Variants in ENAH observed in about 807,000 individuals in gnomAD.
ENAH encodes protein enabled homolog.
ENAH carries 23 observed loss-of-function variants against 78.7 expected under a neutral mutation model. The observed-to-expected ratio is 0.29, with a 90% CI of 0.21 to 0.41. The LOEUF is 0.41. Among genes scored for constraint, ENAH ranks in the 10% least tolerant of loss-of-function variants. The pLI is 1.00. For missense variants in ENAH, 544 were observed against 691.0 expected (o/e 0.79, Z 2.39); for synonymous variants, 226 against 241.0 (o/e 0.94, Z 0.58).
chr1:225,499,236 C>T (rs1361964610), intron 12 of ENAH, among the ~76,000 whole-genome samples: 1 of 152,154 alleles, frequency 6.6e-6, no homozygotes, highest in Non-Finnish European at 1.5e-5. Context: ...CCACTGCACT[C>T]CAGCCTCGGC....
At chr1:225,507,867 CCATT>C (rs1374556978) in intron 11 of ENAH, 80 bp downstream of exon 11, 2 of 934,324 alleles carry the variant, frequency 2.1e-6, no homozygotes, top group South Asian at 1.7e-5. Context: ...TAATTTCTTA[CCATT>C]CAATTTTTTT....
At chr1:225,606,662 G>C (rs560874233) in intron 1 of ENAH, among the ~76,000 whole-genome samples, 1 of 151,538 alleles carries the variant, frequency 6.6e-6, no homozygotes, top group Non-Finnish European at 1.5e-5. Flanking sequence ...AGTCAACATG[G>C]CAAAACCTCA....
chr1:225,610,035 T>C (rs574725941), intron 1 of ENAH, among the ~76,000 whole-genome samples: 111 of 152,218 alleles, frequency 7.3e-4, no homozygotes, highest in African/African-American at 2.7e-3. Context: ...TACCACATGA[T>C]AAAAATTAAA....
chr1:225,594,081 T>A (rs1369549342), intron 1 of ENAH, among the ~76,000 whole-genome samples: 3 of 152,206 alleles, frequency 2.0e-5, no homozygotes, highest in Non-Finnish European at 4.4e-5. Flanking sequence ...AATGTTGGCA[T>A]GAGGCTAGAA....
chr1:225,611,351 C>T (rs546899082), intron 1 of ENAH, among the ~76,000 whole-genome samples: 2 of 152,154 alleles, frequency 1.3e-5, no homozygotes, highest in South Asian at 4.2e-4. Flanking sequence ...CAGAGTCTTG[C>T]TCTGTTGCCC....
At chr1:225,616,979 A>C (rs775164128) in intron 1 of ENAH, among the ~76,000 whole-genome samples, 3 of 152,050 alleles carry the variant, frequency 2.0e-5, no homozygotes, top group Non-Finnish European at 4.4e-5. Flanking sequence ...GGCACCTGTA[A>C]TCCCAGCTAC....
chr1:225,511,311 T>C (rs958296884), intron 10 of ENAH, among the ~76,000 whole-genome samples: 6 of 152,218 alleles, frequency 3.9e-5, no homozygotes, highest in Non-Finnish European at 4.4e-5. Flanking sequence ...TAGTGAAATA[T>C]ACTTTTGTTA....
chr1:225,524,108 AAT>A (rs1421207951), intron 4 of ENAH, among the ~76,000 whole-genome samples: 2 of 152,218 alleles, frequency 1.3e-5, no homozygotes, highest in South Asian at 2.1e-4. Flanking sequence ...GCATTTAAAA[AAT>A]ATCAGACACA....
chr1:225,567,172 T>A (rs2096739032), intron 2 of ENAH, 77 bp downstream of exon 2: 6 of 1,492,366 alleles, frequency 4.0e-6, no homozygotes, highest in Middle Eastern at 1.7e-4. Flanking sequence ...GTTTTAAAAC[T>A]ACTTTATTTT....
At chr1:225,592,373 T>A (rs1164858246) in intron 1 of ENAH, among the ~76,000 whole-genome samples, 1 of 152,216 alleles carries the variant, frequency 6.6e-6, no homozygotes, top group Admixed American at 6.5e-5. Context: ...CAAGTGAGCC[T>A]GGTGAACTTC....
chr1:225,524,141 C>T (rs1052710695), intron 4 of ENAH, among the ~76,000 whole-genome samples: 1 of 152,168 alleles, frequency 6.6e-6, no homozygotes, highest in Non-Finnish European at 1.5e-5. Context: ...CACCCAAATA[C>T]CTATTTCTCT....
intron 1 of ENAH, among the ~76,000 whole-genome samples, chr1:225,576,576 A>G (rs1332144769): frequency 6.6e-6 from 1 of 152,208 alleles, no homozygotes; most frequent in Non-Finnish European, 1.5e-5. Flanking sequence ...GGCATGCTTT[A>G]GGAAGAAAAA....
chr1:225,605,524 T>G (rs2096952011), intron 1 of ENAH, among the ~76,000 whole-genome samples: 1 of 152,158 alleles, frequency 6.6e-6, no homozygotes, highest in Admixed American at 6.5e-5. Context: ...AATGTCCGAG[T>G]TATTTCCACT....
intron 1 of ENAH, among the ~76,000 whole-genome samples, chr1:225,630,034 G>A (rs745433942): frequency 1.3e-5 from 2 of 152,062 alleles, no homozygotes; most frequent in Non-Finnish European, 2.9e-5. Flanking sequence ...AGGAAAGTAA[G>A]TCCTTTCTAT....
intron 1 of ENAH, among the ~76,000 whole-genome samples, chr1:225,585,769 A>T (rs1230565558): frequency 6.6e-6 from 1 of 152,012 alleles, no homozygotes; most frequent in African/African-American, 2.4e-5. Flanking sequence ...AGCCTAGGAG[A>T]CAGAGTGAGA....
chr1:225,531,079 G>C, intron 3 of ENAH: 1 of 398,946 alleles, frequency 2.5e-6, no homozygotes. Context: ...AAACAGGAGA[G>C]AGAGAGAGCA....
intron 3 of ENAH, among the ~76,000 whole-genome samples, chr1:225,539,208 C>T (rs1446084937): frequency 6.6e-6 from 1 of 152,164 alleles, no homozygotes; most frequent in Non-Finnish European, 1.5e-5. Context: ...CTCCTAATTT[C>T]TCTCTCCAAA....
In ENAH at chr1:225,652,792, G is replaced by A; in HGVS notation, c.-102C>T. ...CAGGGGTGGGGAGCAGCTCGGAGAC[G>A]GGAGACAAGTGTCCGGCTCCTCCTT... On this transcript the variant is annotated 5_prime_UTR_variant, in exon 1 of 14. Coordinates refer to ENST00000366843, the MANE Select transcript of ENAH (RefSeq NM_018212.6). 4 of 1,015,092 alleles carry A rather than the reference G, an allele frequency of 3.9e-6. No homozygotes were observed. Among genetic ancestry groups the A allele is most frequent in the Non-Finnish European group, 5.1e-6 (4 of 777,416 alleles). 62.9% of individuals were successfully genotyped at this position (1,015,092 alleles called of 1,614,324 possible). A position where few individuals can be genotyped will look rare whatever the true frequency, so the allele number is the denominator to read the frequency against.
chr1:225,572,852 A>G (rs1400896041), intron 1 of ENAH, among the ~76,000 whole-genome samples: 5 of 152,248 alleles, frequency 3.3e-5, no homozygotes, highest in Non-Finnish European at 7.3e-5. Flanking sequence ...TGGTATATAT[A>G]GTTAATTATA....
Sources: allele counts gnomAD v4.1 joint callset (sites outside exome capture counted in the v4.1 genomes callset), GRCh38; gene constraint gnomAD v4.1.1; transcripts MANE v1.5; gene names NCBI Gene and HGNC (gene_info 2026-07-23, HGNC 2026-07-21).